The following NHEJ1 variants were observed in gnomAD, a reference collection of about 807,000 sequenced individuals.
NHEJ1 encodes the protein non-homologous end-joining factor 1.
NHEJ1 carries 22 observed loss-of-function variants against 39.4 expected under a neutral mutation model. That is an observed-to-expected ratio of 0.56 (90% CI 0.40 to 0.80). NHEJ1 has a LOEUF of 0.80. Ranked by LOEUF, NHEJ1 falls within the 30% of genes least tolerant of loss-of-function variation. The probability of loss-of-function intolerance (pLI) is 0.00; values close to 1 mark genes in which losing one functional copy is unlikely to be tolerated. For missense variants in NHEJ1, 329 were observed against 357.1 expected (o/e 0.92, Z 0.63); for synonymous variants, 154 against 135.6 (o/e 1.14, Z -0.94).
intron 5 of NHEJ1, among the ~76,000 whole-genome samples, chr2:219,104,289 A>G (rs180783356): frequency 5.6e-4 from 86 of 152,328 alleles, no homozygotes; most frequent in Admixed American, 1.8e-3. Flanking sequence ...AACTATGCCA[A>G]AAGAGCTAAG....
rs1460870778 is a variant in NHEJ1, at chr2:219,074,104, A to T, written c.*2277T>A. 6.6e-6 allele frequency among the ~76,000 whole-genome samples: 1 copy of T among 152,244 alleles called. No individual in the cohort carries two copies. Among genetic ancestry groups the T allele is most frequent in the Non-Finnish European group, 1.5e-5 (1 of 68,046 alleles). On this transcript the variant is annotated 3_prime_UTR_variant, in exon 8 of 8. Transcript: ENST00000356853. ...CCTCTGGTAGCAATGTTTCTCTAACAACGTATTTAAGCAATACCCCAATGG... is the reference window on the plus strand; with the variant it reads ...CCTCTGGTAGCAATGTTTCTCTAACTACGTATTTAAGCAATACCCCAATGG...
intron 5 of NHEJ1, among the ~76,000 whole-genome samples, chr2:219,135,307 T>C (rs1487223146): frequency 6.6e-6 from 1 of 152,000 alleles, no homozygotes; most frequent in Non-Finnish European, 1.5e-5. Context: ...TAGGTATTTG[T>C]CAGAAGTAAG....
intron 5 of NHEJ1, among the ~76,000 whole-genome samples, chr2:219,081,351 G>A (rs1347538377): frequency 6.6e-6 from 1 of 152,186 alleles, no homozygotes; most frequent in Non-Finnish European, 1.5e-5. Context: ...GGAGTCAGGA[G>A]TAAGTAAAGT....
intron 5 of NHEJ1, among the ~76,000 whole-genome samples, chr2:219,091,277 A>G (rs751632021): frequency 2.0e-5 from 3 of 152,150 alleles, no homozygotes; most frequent in Non-Finnish European, 4.4e-5. Flanking sequence ...GCGACTTCTC[A>G]GTTCTTTTTT....
chr2:219,137,551 G>T (rs1574735140), intron 5 of NHEJ1, among the ~76,000 whole-genome samples: 1 of 33,222 alleles, frequency 3.0e-5, no homozygotes, highest in African/African-American at 1.1e-4. Flanking sequence ...ACTAAATGGA[G>T]AAATAAATGT....
chr2:219,085,976 G>C (rs1450540412), intron 5 of NHEJ1, among the ~76,000 whole-genome samples: 3 of 152,192 alleles, frequency 2.0e-5, no homozygotes, highest in African/African-American at 7.2e-5. Flanking sequence ...GGTTCAGTCT[G>C]AGGTCTGGCT....
At chr2:219,097,249 A>G (rs1322664930) in intron 5 of NHEJ1, among the ~76,000 whole-genome samples, 1 of 152,250 alleles carries the variant, frequency 6.6e-6, no homozygotes, top group Non-Finnish European at 1.5e-5. Context: ...TAACCCCATC[A>G]TAAGTCAAGG....
At chr2:219,078,652 A>G (rs1213103083) in intron 5 of NHEJ1, among the ~76,000 whole-genome samples, 1 of 152,244 alleles carries the variant, frequency 6.6e-6, no homozygotes, top group Non-Finnish European at 1.5e-5. Context: ...CTGAGAGGCA[A>G]GAAACAATTA....
chr2:219,073,753 C>G lies in NHEJ1; in HGVS notation c.*2628G>C, dbSNP rs1202402862. 6.6e-6 allele frequency among the ~76,000 whole-genome samples: 1 copy of G among 152,270 alleles called. No individual in the cohort carries two copies. The highest frequency in any genetic ancestry group is 1.5e-5 in the Non-Finnish European group (1 of 68,046). ...TTCTCCCACCAGCCAGCCCTGGCCC[C>G]AGCCCCAGCCCCGGGGAGCGGGCGG... On this transcript the variant is annotated 3_prime_UTR_variant, in exon 8 of 8. Coordinates refer to ENST00000356853, the MANE Select transcript of NHEJ1 (RefSeq NM_024782.3).
At chr2:219,133,403 A>C (rs11680760) in intron 5 of NHEJ1, among the ~76,000 whole-genome samples, 79,650 of 152,174 alleles carry the variant, frequency 0.52, 22,491 homozygotes, top group Non-Finnish European at 0.64. Context: ...TCCTCTCATG[A>C]CACGACCTTT....
intron 5 of NHEJ1, among the ~76,000 whole-genome samples, chr2:219,135,849 A>G (rs1949622179): frequency 6.6e-6 from 1 of 152,216 alleles, no homozygotes. Flanking sequence ...AAACCAAATG[A>G]GAGACTAATG....
chr2:219,122,702 G>C (rs1471789530), intron 5 of NHEJ1, among the ~76,000 whole-genome samples: 3 of 152,146 alleles, frequency 2.0e-5, no homozygotes, highest in East Asian at 1.9e-4. Flanking sequence ...TTAAGTTCTA[G>C]AAACTCTAAT....
intron 5 of NHEJ1, among the ~76,000 whole-genome samples, chr2:219,129,835 C>T (rs1375258152): frequency 2.0e-5 from 3 of 152,236 alleles, no homozygotes; most frequent in Non-Finnish European, 2.9e-5. Context: ...ACCCGTTCGA[C>T]AGCCGCCAGG....
At position 219,122,495 on chromosome 2, in the gene NHEJ1, A is replaced by G. The variant is rs141749636; in HGVS notation, c.588+24185T>C. On this transcript the variant is annotated intron_variant, in intron 5 of 7. Coordinates refer to ENST00000356853, the MANE Select transcript of NHEJ1 (RefSeq NM_024782.3). ...GTTTCCTATCCCCCATAGTACTGGT[A>G]CAAGAACCTAAACCCAGTGGTATTC... 1.1e-4 allele frequency among the ~76,000 whole-genome samples: 17 copies of G among 152,322 alleles called. No homozygotes were observed. The East Asian group carries it at 3.3e-3, about 29-fold the overall frequency.
chr2:219,156,353 G>A (rs535845000), intron 3 of NHEJ1, among the ~76,000 whole-genome samples: 1 of 152,276 alleles, frequency 6.6e-6, no homozygotes, highest in South Asian at 2.1e-4. Flanking sequence ...ATCCCCTGTG[G>A]GAAACTAAAG....
At chr2:219,147,941 T>A in intron 3 of NHEJ1, 146 bp from the exon 4 acceptor site, 1 of 757,758 alleles carries the variant, frequency 1.3e-6, no homozygotes, top group Non-Finnish European at 2.2e-6. Flanking sequence ...TACATGAATG[T>A]AAACACAAAT....
At chr2:219,106,814 A>T (rs972208385) in intron 5 of NHEJ1, among the ~76,000 whole-genome samples, 5 of 152,234 alleles carry the variant, frequency 3.3e-5, no homozygotes, top group Non-Finnish European at 7.3e-5. Context: ...ACAGTCAGCA[A>T]AGCAGTGAAC....
intron 5 of NHEJ1, among the ~76,000 whole-genome samples, chr2:219,137,570 C>CAAA (rs58279021): frequency 7.8e-4 from 27 of 34,710 alleles, no homozygotes; most frequent in South Asian, 1.8e-3. Flanking sequence ...GTGTTACAGG[C>CAAA]AAAAAAAAAA....
At chr2:219,126,734 T>A (rs746683614) in intron 5 of NHEJ1, among the ~76,000 whole-genome samples, 1 of 152,128 alleles carries the variant, frequency 6.6e-6, no homozygotes, top group Non-Finnish European at 1.5e-5. Context: ...CAGAATAGCA[T>A]ATAAGAAGGG....
Sources: gnomAD v4.1 joint callset for allele counts (sites outside exome capture counted in the v4.1 genomes callset) on GRCh38, gnomAD v4.1.1 for gene constraint, MANE v1.5 for transcripts, NCBI Gene and HGNC (gene_info 2026-07-23, HGNC 2026-07-21) for gene names.